The following PTPA variants were observed in gnomAD, a reference collection of about 807,000 sequenced individuals.
The protein encoded by PTPA is protein phosphatase 2 phosphatase activator.
A neutral mutation model predicts 43.6 loss-of-function variants in PTPA; 13 were observed. The ratio of observed to expected loss-of-function variants is 0.30; its 90% CI spans 0.19 to 0.47. The LOEUF (loss-of-function observed/expected upper bound fraction) is 0.47, where lower values mean the gene tolerates loss of function less well. Among genes scored for constraint, PTPA ranks in the 20% least tolerant of loss-of-function variants. The pLI, the probability that PTPA is intolerant of heterozygous loss-of-function variation, is 0.99. For missense variants in PTPA, 329 were observed against 411.9 expected (o/e 0.80, Z 1.74); for synonymous variants, 172 against 158.2 (o/e 1.09, Z -0.66).
chr9:129,142,763 G>T, intron 9 of PTPA: 6 of 1,536,318 alleles, frequency 3.9e-6, no homozygotes, highest in Non-Finnish European at 5.2e-6. Flanking sequence ...CCCCAGCCCC[G>T]AAAAGCTGCA....
At chr9:129,139,581 G>A (rs1190976086) in intron 8 of PTPA, 1 of 152,256 alleles carries the variant, frequency 6.6e-6, no homozygotes, top group Admixed American at 6.5e-5. Context: ...CACACGTTGT[G>A]TTGGTTCTCC....
rs17509029 is a variant in PTPA at position 129,144,505 on chromosome 9, G to A, written c.894+1953G>A. Among the ~76,000 whole-genome samples, 5 of 152,028 alleles carry A rather than the reference G, an allele frequency of 3.3e-5. No individual in the cohort carries two copies. The East Asian group carries it at 9.7e-4, about 30-fold the overall frequency. ...TGTAATCCCAGCACTTTGGGAGGCC[G>A]AGGTGGGCGGATCACGAGGTCAGGA... On this transcript the variant is annotated intron_variant, in intron 9 of 9. Transcript: ENST00000393370.
chr9:129,116,932 G>T (rs1209737882), intron 1 of PTPA, among the ~76,000 whole-genome samples: 5 of 152,030 alleles, frequency 3.3e-5, no homozygotes, highest in Admixed American at 3.3e-4. Context: ...CTCCCAAAGT[G>T]CTGGGATTAC....
chr9:129,140,637 A>AGACAAAGCC (rs1006966122), intron 8 of PTPA, among the ~76,000 whole-genome samples: 11 of 152,212 alleles, frequency 7.2e-5, no homozygotes, highest in Non-Finnish European at 1.6e-4. Flanking sequence ...GGCCCCTGGC[A>AGACAAAGCC]GACAAAGCCG....
chr9:129,147,100 A>G (rs1851354184), intron 9 of PTPA, among the ~76,000 whole-genome samples: 1 of 151,860 alleles, frequency 6.6e-6, no homozygotes, highest in South Asian at 2.1e-4. Flanking sequence ...CAGGTTCCCA[A>G]CTTCCCTCTC....
At chr9:129,141,118 A>G (rs930304930) in intron 8 of PTPA, among the ~76,000 whole-genome samples, 4 of 152,042 alleles carry the variant, frequency 2.6e-5, no homozygotes, top group African/African-American at 9.7e-5. Context: ...AACCTGGGCC[A>G]GGGGAGGGAA....
Position 129,129,238 on chromosome 9 carries a change from A to G in PTPA, c.342+128A>G, listed in dbSNP as rs376270833. On this transcript the variant is annotated intron_variant, in intron 4 of 9. Transcript: ENST00000393370. ...CAAATCTCAGTTTGTTAAAATGTCA[A>G]TTTCACTTAGCAAAATTACAAATGA... 126 of 1,329,820 alleles carry G rather than the reference A, an allele frequency of 9.5e-5. 1 individual carries two copies. The highest frequency in any genetic ancestry group is 9.1e-4 in the East Asian group (38 of 41,540). The allele number at this position is 1,329,820 out of a possible 1,614,324, so 82.4% of individuals were successfully genotyped here. A position where few individuals can be genotyped will look rare whatever the true frequency, so the allele number is the denominator to read the frequency against.
chr9:129,126,437 C>T (rs1302038285), intron 3 of PTPA, among the ~76,000 whole-genome samples: 6 of 152,096 alleles, frequency 3.9e-5, no homozygotes, highest in African/African-American at 1.4e-4. Context: ...GTCTTGGCCT[C>T]CGTAAGTGCT....
chr9:129,122,137 C>T (rs1849288158), intron 2 of PTPA, among the ~76,000 whole-genome samples: 1 of 152,120 alleles, frequency 6.6e-6, no homozygotes, highest in Non-Finnish European at 1.5e-5. Context: ...GGGTCTCACC[C>T]TGGCCCCCAG....
chr9:129,134,105 G>C (rs1850181073), intron 5 of PTPA, among the ~76,000 whole-genome samples: 1 of 152,056 alleles, frequency 6.6e-6, no homozygotes, highest in African/African-American at 2.4e-5. Flanking sequence ...TGTTGTCCCT[G>C]ATAGATCATA....
chr9:129,130,628 G>C (rs923851709), intron 4 of PTPA, among the ~76,000 whole-genome samples: 3 of 152,054 alleles, frequency 2.0e-5, no homozygotes, highest in Admixed American at 6.6e-5. Flanking sequence ...CCTGGCCTCA[G>C]GTGATCCGCC....
At chr9:129,111,036 G>C (rs753493542), upstream of PTPA, 11 of 1,369,530 alleles carry the variant, frequency 8.0e-6, no homozygotes, top group Admixed American at 3.8e-5. Flanking sequence ...GTTGGAGGTA[G>C]TGGTGTGCAC....
chr9:129,111,247 T>G, upstream of PTPA: 1 of 1,143,360 alleles, frequency 8.7e-7, no homozygotes. Flanking sequence ...CCCCGCACAA[T>G]CGTGGCAGTC....
intron 3 of PTPA, chr9:129,127,902 A>C (rs1849683418): frequency 9.2e-7 from 1 of 1,084,924 alleles, no homozygotes; most frequent in African/African-American, 1.6e-5. Flanking sequence ...ATTATAATGC[A>C]GTGGCACGAT....
chr9:129,112,915 T>C (rs1010690288), intron 1 of PTPA, among the ~76,000 whole-genome samples: 8 of 146,714 alleles, frequency 5.5e-5, no homozygotes, highest in African/African-American at 2.0e-4. Context: ...CACTCCAGCC[T>C]GGACAACAAG....
intron 5 of PTPA, among the ~76,000 whole-genome samples, chr9:129,134,550 TG>T (rs1564195287): frequency 6.6e-6 from 1 of 152,094 alleles, no homozygotes; most frequent in East Asian, 1.9e-4. Context: ...GCAAGCTGCC[TG>T]CCTCAGCCTC....
In PTPA at chr9:129,123,787, G is replaced by A. The variant is rs975352347; in HGVS notation, c.216+649G>A. On this transcript the variant is annotated intron_variant, in intron 3 of 9. Transcript: ENST00000393370. ...AAACCTCTGCCTCCTGGGTTCAAGC[G>A]ATTCTCCTGCCTCAGCCTCCTGAGT... Among the ~76,000 whole-genome samples, 3 of 151,876 alleles carry A rather than the reference G, an allele frequency of 2.0e-5. No homozygotes were observed. The East Asian group carries it at 5.9e-4, about 30-fold the overall frequency.
At position 129,143,091 on chromosome 9, in the gene PTPA, G is replaced by A. The variant is rs544607510; in HGVS notation, c.894+539G>A. 2.1e-4 allele frequency: 144 copies of A among 679,788 alleles called. 3 individuals are homozygous for A. The South Asian group carries it at 2.8e-3, about 13-fold the overall frequency. 42.1% of individuals were successfully genotyped at this position (679,788 alleles called of 1,614,324 possible). ...GGTTTTCCCTGCTCTCAAATCAGAT[G>A]CTGAGGAGAGGAGAGCTGAGGCTTC... On this transcript the variant is annotated intron_variant, in intron 9 of 9. Coordinates refer to ENST00000393370, the MANE Select transcript of PTPA (RefSeq NM_178000.3).
upstream of PTPA, chr9:129,110,988 C>T (rs1184582402): frequency 3.6e-6 from 5 of 1,371,636 alleles, no homozygotes; most frequent in Non-Finnish European, 4.9e-6. The surrounding 1 kb of genome is among the most constrained non-coding windows in gnomAD (Gnocchi z 5.3). Context: ...GGTCACCGTC[C>T]AGCTGTCTCT....
Sources: gnomAD v4.1 joint callset for allele counts (sites outside exome capture counted in the v4.1 genomes callset) on GRCh38, gnomAD v4.1.1 for gene constraint, Gnocchi (gnomAD v3.1) non-coding constraint, MANE v1.5 for transcripts, NCBI Gene and HGNC (gene_info 2026-07-23, HGNC 2026-07-21) for gene names.